The following LUZP1 variants were observed in gnomAD, a reference collection of about 807,000 sequenced individuals.
LUZP1 encodes the protein filamin mechanobinding actin cross-linking protein.
Under a neutral mutation model 71.3 loss-of-function variants are expected in LUZP1, and 25 were observed. That is an observed-to-expected ratio of 0.35 (90% CI 0.26 to 0.49). The LOEUF (loss-of-function observed/expected upper bound fraction) is 0.49. Among genes scored for constraint, LUZP1 ranks in the 20% least tolerant of loss-of-function variants. The pLI is 0.99. For missense variants in LUZP1, 1,142 were observed against 1,300.8 expected, an observed-to-expected ratio of 0.88 and a Z score of 1.88; for synonymous variants, 481 against 506.4, an observed-to-expected ratio of 0.95 and a Z score of 0.67.
chr1:23,089,654 G>A (rs1407640281), intron 4 of LUZP1, among the ~76,000 whole-genome samples: 11 of 151,900 alleles, frequency 7.2e-5, no homozygotes, highest in Non-Finnish European at 1.2e-4. Flanking sequence ...GTGCAGTGGC[G>A]CAGTCTCAGC....
intron 1 of LUZP1, among the ~76,000 whole-genome samples, chr1:23,176,280 T>C (rs1476815136): frequency 6.6e-6 from 1 of 152,118 alleles, no homozygotes; most frequent in Non-Finnish European, 1.5e-5. Flanking sequence ...CAGGCTGGTA[T>C]TGAACTCTTG....
chr1:23,165,652 A>T (rs1473409889), intron 2 of LUZP1, among the ~76,000 whole-genome samples: 1 of 152,206 alleles, frequency 6.6e-6, no homozygotes, highest in Non-Finnish European at 1.5e-5. Context: ...CTCCAAAAAA[A>T]AAGGGAATAC....
intron 2 of LUZP1, among the ~76,000 whole-genome samples, chr1:23,138,663 TTGTGTGTGTGTGTG>T (rs550739499): frequency 3.2e-5 from 4 of 125,610 alleles, no homozygotes; most frequent in Non-Finnish European, 6.5e-5. Flanking sequence ...GATTATGTGT[TTGTGTGTGTGTGTG>T]TGTGTGTGTG....
At chr1:23,174,248 G>A (rs1001302214) in intron 1 of LUZP1, among the ~76,000 whole-genome samples, 6 of 152,154 alleles carry the variant, frequency 3.9e-5, no homozygotes, top group Non-Finnish European at 7.3e-5. Context: ...TCCAAGGGCA[G>A]GAGAAGATGG....
At chr1:23,090,574 C>T in intron 4 of LUZP1, 1 of 448,854 alleles carries the variant, frequency 2.2e-6, no homozygotes. Context: ...ATGAGCTATA[C>T]TGAACCAGCC....
At chr1:23,166,596 A>AC (rs1644511457) in intron 2 of LUZP1, among the ~76,000 whole-genome samples, 2 of 141,044 alleles carry the variant, frequency 1.4e-5, no homozygotes, top group African/African-American at 5.4e-5. Context: ...CGGAGGTTGC[A>AC]GTGAGCCGAG....
intron 2 of LUZP1, among the ~76,000 whole-genome samples, chr1:23,134,571 G>A (rs1257348058): frequency 4.6e-5 from 7 of 152,084 alleles, no homozygotes; most frequent in Non-Finnish European, 8.8e-5. Flanking sequence ...TTGAGCCCAG[G>A]AGTTTGAGAC....
chr1:23,149,079 TA>T (rs58910170), intron 2 of LUZP1, among the ~76,000 whole-genome samples: 978 of 37,370 alleles, frequency 0.026, 4 homozygotes, highest in African/African-American at 0.068. Context: ...ACACCTTGCC[TA>T]AAAAAAAAAA....
intron 2 of LUZP1, among the ~76,000 whole-genome samples, chr1:23,121,674 C>T (rs1644130680): frequency 6.6e-6 from 1 of 152,174 alleles, no homozygotes. Context: ...GAGCCGAGAT[C>T]AAGTCACTGC....
exon 5 of LUZP1, chr1:23,089,024 A>G: frequency 6.2e-7 from 1 of 1,614,022 alleles, no homozygotes; most frequent in Non-Finnish European, 8.5e-7. Flanking sequence ...GCCTGTAGAC[A>G]CTGAGTGTAC....
intron 2 of LUZP1, among the ~76,000 whole-genome samples, chr1:23,145,308 A>T (rs973743655): frequency 6.6e-6 from 1 of 152,194 alleles, no homozygotes; most frequent in Admixed American, 6.6e-5. Context: ...TCTCATAGGA[A>T]CGCTATTTGA....
intron 2 of LUZP1, among the ~76,000 whole-genome samples, chr1:23,166,048 C>CAAA (rs76454136): frequency 3.0e-5 from 3 of 98,528 alleles, no homozygotes; most frequent in African/African-American, 6.7e-5. Flanking sequence ...GTCTTTTTAC[C>CAAA]AAAAAAAAAA....
rs745815650 is a variant in LUZP1 at position 23,093,091 on chromosome 1, G to A, written c.1171C>T (p.Arg391Trp). 8.1e-6 allele frequency: 13 copies of A among 1,613,928 alleles called. No individual in the cohort carries two copies. Among genetic ancestry groups the A allele is most frequent in the Admixed American group, 1.7e-5 (1 of 59,992 alleles). ...CGCTTATGCTGAGGAGACAGTTCCC[G>A]CGCTGTGTGCTTGGACACAGAAGCT... Residue 391 changes from arginine to tryptophan, a missense_variant, in exon 4 of 5, where the codon CGG becomes TGG. By Grantham distance (101) the Arg-to-Trp change is moderately radical (BLOSUM62 -3). Coordinates refer to ENST00000302291, the Ensembl canonical transcript of LUZP1. The surrounding 1 kb of genome is among the most constrained non-coding windows in gnomAD (Gnocchi z 4.2).
Position 23,105,308 on chromosome 1 carries a change from T to C in LUZP1, c.-120+3714A>G, listed in dbSNP as rs150148547. On this transcript the variant is annotated intron_variant, in intron 3 of 4. Transcript: ENST00000302291. ...CGAATCTGATAGCCACAGTACCAAT[T>C]TGTAGGTTCATACTGGCTTTGTTTC... Among the ~76,000 whole-genome samples the C allele has an allele frequency of 2.4e-3, 358 of 151,352 alleles. 2 individuals are homozygous for C. The highest frequency in any genetic ancestry group is 4.1e-3 in the Non-Finnish European group (281 of 68,034).
chr1:23,137,818 C>T (rs2124699607), intron 2 of LUZP1, among the ~76,000 whole-genome samples: 2 of 152,260 alleles, frequency 1.3e-5, no homozygotes, highest in Middle Eastern at 6.8e-3. Context: ...GTTAAACATA[C>T]AGGTACTATA....
At chr1:23,133,041 A>G (rs1385903672) in intron 2 of LUZP1, among the ~76,000 whole-genome samples, 1 of 152,230 alleles carries the variant, frequency 6.6e-6, no homozygotes, top group Non-Finnish European at 1.5e-5. Context: ...GCAAAAGCCT[A>G]GACTAGGTCC....
At chr1:23,132,806 A>G (rs997580270) in intron 2 of LUZP1, among the ~76,000 whole-genome samples, 3 of 152,212 alleles carry the variant, frequency 2.0e-5, no homozygotes, top group African/African-American at 7.2e-5. Flanking sequence ...CAACTTTTCT[A>G]TGTTTTAAAT....
chr1:23,147,050 T>TCG lies in LUZP1; in HGVS notation c.-226+21714_-226+21715dup, dbSNP rs1380445251. ...AGGCGGAGGTTGCAGTGAGCCGAGA[T>TCG]CGCGCCACCGCACTCCAGCCTGGGT... On this transcript the variant is annotated intron_variant, in intron 2 of 4. Transcript: ENST00000302291. Among the ~76,000 whole-genome samples the TCG allele has an allele frequency of 1.6e-4, 24 of 151,446 alleles. No individual in the cohort carries two copies. The South Asian group carries it at 4.8e-3, about 30-fold the overall frequency.
exon 4 of LUZP1, chr1:23,091,643 C>T: frequency 2.5e-6 from 4 of 1,614,070 alleles, no homozygotes; most frequent in South Asian, 1.1e-5. Flanking sequence ...TCCGAGAGAC[C>T]ACTGTTTCTG....
Sources: gnomAD v4.1 joint callset for allele counts (sites outside exome capture counted in the v4.1 genomes callset) on GRCh38, gnomAD v4.1.1 for gene constraint, Gnocchi (gnomAD v3.1) non-coding constraint, MANE v1.5 for transcripts, NCBI Gene and HGNC (gene_info 2026-07-23, HGNC 2026-07-21) for gene names.